The following ABAT variants were observed in gnomAD, a reference collection of about 807,000 sequenced individuals.
ABAT encodes the protein 4-aminobutyrate aminotransferase.
Under a neutral mutation model 64.6 loss-of-function variants are expected in ABAT, and 45 were observed. That is an observed-to-expected ratio of 0.70 (90% CI 0.55 to 0.89). The LOEUF (loss-of-function observed/expected upper bound fraction) is 0.89. Ranked by LOEUF, ABAT falls within the 40% of genes least tolerant of loss-of-function variation. The probability of loss-of-function intolerance (pLI) is 0.00; values close to 1 mark genes in which losing one functional copy is unlikely to be tolerated. For missense variants in ABAT, 633 were observed against 658.4 expected (o/e 0.96, Z 0.42); for synonymous variants, 297 against 250.5 (o/e 1.19, Z -1.75).
rs145339834 is a variant in ABAT, at chr16:8,766,651, C to T, written c.603+381C>T. Among the ~76,000 whole-genome samples the T allele has an allele frequency of 4.8e-3, 717 of 150,546 alleles. 6 individuals carry two copies. Among genetic ancestry groups the T allele is most frequent in the African/African-American group, 0.017 (696 of 40,950 alleles). ...GCCTGGGTGACAGAGTGAGACTCCT[C>T]TCAAAACAAACAAAAAAACAAAAAC... is the stretch of plus-strand genomic sequence containing the variant. On this transcript the variant is annotated intron_variant, in intron 9 of 15. Coordinates refer to ENST00000268251, the MANE Select transcript of ABAT (RefSeq NM_020686.6).
At chr16:8,723,160 G>A (rs1375377232) in intron 1 of ABAT, among the ~76,000 whole-genome samples, 1 of 152,174 alleles carries the variant, frequency 6.6e-6, no homozygotes, top group African/African-American at 2.4e-5. Flanking sequence ...TTGAATCCGG[G>A]AGGCAGAGGT....
At chr16:8,707,909 G>A (rs2057984430) in intron 1 of ABAT, among the ~76,000 whole-genome samples, 1 of 152,164 alleles carries the variant, frequency 6.6e-6, no homozygotes, top group Non-Finnish European at 1.5e-5. Flanking sequence ...TATCATCCCA[G>A]AACCAGTCAT....
chr16:8,763,104 CAA>C lies in ABAT; in HGVS notation c.367-948_367-947del, dbSNP rs60199249. On this transcript the variant is annotated intron_variant, in intron 6 of 15. Transcript: ENST00000268251. ...AACCTGAGAGAGCAAGACCCTGTAACAAAAAAAAAAAAAAAAAAGCCCTTCCA... is the reference window on the plus strand; with the variant it reads ...AACCTGAGAGAGCAAGACCCTGTAACAAAAAAAAAAAAAAAAGCCCTTCCA... 6.2e-3 allele frequency among the ~76,000 whole-genome samples: 730 copies of C among 117,510 alleles called. 3 individuals carry two copies. Among genetic ancestry groups the C allele is most frequent in the Admixed American group, 6.5e-3 (73 of 11,306 alleles). The allele number at this position is 117,510 out of a possible 152,430, so 77.1% of individuals were successfully genotyped here.
chr16:8,689,827 C>CCCAG (rs2057540072), intron 1 of ABAT, among the ~76,000 whole-genome samples: 1 of 152,194 alleles, frequency 6.6e-6, no homozygotes, highest in East Asian at 1.9e-4. Flanking sequence ...CCAGGACAAA[C>CCCAG]AGTAGATCCT....
chr16:8,731,114 C>G (rs1466014389), intron 1 of ABAT, among the ~76,000 whole-genome samples: 1 of 152,074 alleles, frequency 6.6e-6, no homozygotes, highest in Admixed American at 6.5e-5. Flanking sequence ...AGGCGTGCAC[C>G]ACCACACCCA....
chr16:8,779,454 C>G (rs367843105), intron 14 of ABAT, 25 bp from the exon 15 acceptor site: 98 of 1,602,322 alleles, frequency 6.1e-5, no homozygotes, highest in Non-Finnish European at 7.9e-5. Context: ...GGCTTTGACG[C>G]CAGCCTTGTC....
intron 1 of ABAT, among the ~76,000 whole-genome samples, chr16:8,680,430 AT>A (rs890723456): frequency 7.8e-4 from 118 of 152,096 alleles, no homozygotes; most frequent in African/African-American, 2.8e-3. Flanking sequence ...ATTTTTATGT[AT>A]TTTTTTGGGG....
At chr16:8,743,007 TAAA>T (rs71152928) in intron 2 of ABAT, among the ~76,000 whole-genome samples, 237 of 124,240 alleles carry the variant, frequency 1.9e-3, no homozygotes, top group African/African-American at 6.6e-3. Context: ...CTCATTTCTT[TAAA>T]AAAAAAAAAA....
At chr16:8,720,442 C>G (rs1241796389) in intron 1 of ABAT, among the ~76,000 whole-genome samples, 1 of 152,232 alleles carries the variant, frequency 6.6e-6, no homozygotes, top group East Asian at 1.9e-4. Context: ...ATACAAGTCA[C>G]TGATAATTTT....
intron 5 of ABAT, among the ~76,000 whole-genome samples, chr16:8,753,892 T>TCC (rs1233331479): frequency 6.6e-6 from 1 of 152,008 alleles, no homozygotes; most frequent in Non-Finnish European, 1.5e-5. Context: ...GCAGAAAGTC[T>TCC]CCCCTGGGTG....
chr16:8,705,040 C>T (rs1399461110), intron 1 of ABAT, among the ~76,000 whole-genome samples: 1 of 152,058 alleles, frequency 6.6e-6, no homozygotes, highest in Non-Finnish European at 1.5e-5. Flanking sequence ...TGTAGTATTG[C>T]TTGCATTAGC....
intron 2 of ABAT, among the ~76,000 whole-genome samples, chr16:8,737,932 A>AG (rs1258599232): frequency 2.1e-5 from 2 of 96,548 alleles, no homozygotes; most frequent in East Asian, 3.1e-4. Context: ...AAAAAAAAAA[A>AG]AAGAAAGGAA....
At chr16:8,709,709 G>T (rs779403170) in intron 1 of ABAT, among the ~76,000 whole-genome samples, 6 of 152,128 alleles carry the variant, frequency 3.9e-5, no homozygotes, top group Non-Finnish European at 7.3e-5. Flanking sequence ...CTAAAGACAT[G>T]ATATAGAAAG....
At chr16:8,750,905 C>T (rs1181682892) in intron 5 of ABAT, among the ~76,000 whole-genome samples, 2 of 149,444 alleles carry the variant, frequency 1.3e-5, no homozygotes, top group African/African-American at 2.5e-5. Flanking sequence ...TGAGTTTCCT[C>T]GAAGAAGAGC....
chr16:8,714,264 T>C (rs1372768310), intron 1 of ABAT, among the ~76,000 whole-genome samples: 1 of 152,216 alleles, frequency 6.6e-6, no homozygotes, highest in East Asian at 1.9e-4. Flanking sequence ...GGCATTTTTG[T>C]TCAAGCCGCT....
intron 1 of ABAT, chr16:8,705,619 G>A (rs1439652409): frequency 6.6e-6 from 1 of 152,220 alleles, no homozygotes; most frequent in East Asian, 1.9e-4. Context: ...GGGAGAGAGA[G>A]AGCCAGGGGT....
At chr16:8,730,180 T>A (rs2058678551) in intron 1 of ABAT, among the ~76,000 whole-genome samples, 1 of 152,118 alleles carries the variant, frequency 6.6e-6, no homozygotes, top group East Asian at 1.9e-4. Flanking sequence ...AAGTGCCCAG[T>A]ACTTGATGAT....
intron 6 of ABAT, among the ~76,000 whole-genome samples, chr16:8,758,353 TC>T (rs956538538): frequency 3.3e-5 from 5 of 152,106 alleles, no homozygotes; most frequent in African/African-American, 1.2e-4. Flanking sequence ...AAATGACTTT[TC>T]AGCTGAGATC....
chr16:8,725,105 G>A (rs955173362), intron 1 of ABAT, among the ~76,000 whole-genome samples: 2 of 152,032 alleles, frequency 1.3e-5, no homozygotes, highest in African/African-American at 2.4e-5. Context: ...TAGTAAAGAC[G>A]GGGTTTCTCC....
Sources: gnomAD v4.1 joint callset for allele counts (sites outside exome capture counted in the v4.1 genomes callset) on GRCh38, gnomAD v4.1.1 for gene constraint, MANE v1.5 for transcripts, NCBI Gene and HGNC (gene_info 2026-07-23, HGNC 2026-07-21) for gene names.